Variants in SLC4A1AP observed in about 807,000 individuals in gnomAD.
The protein encoded by SLC4A1AP is kanadaptin.
In SLC4A1AP, 64 loss-of-function variants were observed where a neutral mutation model predicts 89.7. The observed-to-expected ratio is 0.71, with a 90% CI of 0.58 to 0.88. SLC4A1AP has a LOEUF of 0.88. Ranked by LOEUF, SLC4A1AP falls within the 40% of genes least tolerant of loss-of-function variation. The pLI, the probability that SLC4A1AP is intolerant of heterozygous loss-of-function variation, is 0.00. For missense variants in SLC4A1AP, 931 were observed against 965.0 expected (o/e 0.96, Z 0.47); for synonymous variants, 366 against 353.3 (o/e 1.04, Z -0.40).
intron 8 of SLC4A1AP, among the ~76,000 whole-genome samples, chr2:27,680,940 A>G (rs2148136983): frequency 6.7e-6 from 1 of 149,934 alleles, no homozygotes; most frequent in East Asian, 2.0e-4. Context: ...TCCCTTTCCT[A>G]TTTTGGATAC....
intron 2 of SLC4A1AP, among the ~76,000 whole-genome samples, chr2:27,666,372 A>ACC (rs1675323435): frequency 1.8e-3 from 6 of 3,390 alleles, no homozygotes; most frequent in African/African-American, 3.2e-3. Context: ...CCCCCCCCCC[A>ACC]CCCCGCCCCC....
At position 27,669,405 on chromosome 2, in the gene SLC4A1AP, C is replaced by CT; in HGVS notation, c.1345+25dup. 2.7e-6 allele frequency: 4 copies of CT among 1,458,000 alleles called. No homozygotes were observed. Among genetic ancestry groups the CT allele is most frequent in the Non-Finnish European group, 2.7e-6 (3 of 1,101,270 alleles). The allele number at this position is 1,458,000 out of a possible 1,614,324, so 90.3% of individuals were successfully genotyped here. A position where few individuals can be genotyped will look rare whatever the true frequency, so the allele number is the denominator to read the frequency against. ...GGAAGCAGGTCAGTATATAGGAGCC[C>CT]TTTTTTTCTAGATTTAAAAAAAGGA... On this transcript the variant is annotated intron_variant, in intron 5 of 13. Transcript: ENST00000613058.
At chr2:27,677,815 G>A in exon 8 of SLC4A1AP, 1 of 1,613,812 alleles carries the variant, frequency 6.2e-7, no homozygotes, top group South Asian at 1.1e-5. Flanking sequence ...ATTAGATGGT[G>A]TGTCCCGGAA....
At chr2:27,669,367 G>T in exon 5 of SLC4A1AP, 1 of 1,610,894 alleles carries the variant, frequency 6.2e-7, no homozygotes, top group Non-Finnish European at 8.5e-7. Flanking sequence ...GACACTTTGG[G>T]ATTGCTTCGG....
At chr2:27,668,516 C>G in intron 3 of SLC4A1AP, 1 of 474,046 alleles carries the variant, frequency 2.1e-6, no homozygotes, top group Non-Finnish European at 4.1e-6. Flanking sequence ...ATGGCGCAAT[C>G]TTGGCTCACT....
intron 3 of SLC4A1AP, 88 bp from the exon 4 acceptor site, chr2:27,668,755 G>C (rs533155690): frequency 8.1e-7 from 1 of 1,233,916 alleles, no homozygotes; most frequent in Admixed American, 1.7e-5. Flanking sequence ...GAACTTGTTC[G>C]TATTTAACGT....
rs766834327 is a variant in SLC4A1AP at position 27,675,537 on chromosome 2, C to T, written c.1351C>T (p.Arg451Trp). Residue 451 changes from arginine to tryptophan, a missense_variant, in exon 6 of 14, where the codon CGG becomes TGG. By Grantham distance (101) the Arg-to-Trp change is moderately radical. Coordinates refer to ENST00000613058, the Ensembl canonical transcript of SLC4A1AP. The stretch of plus-strand genomic sequence containing the variant: ...ATCATTTTATCTACCTCTAGTATCT[C>T]GGAAAAGGAAAGCCAAGAACTGGGA... 1.1e-5 allele frequency: 18 copies of T among 1,565,474 alleles called. No homozygotes were observed. The highest frequency in any genetic ancestry group is 1.7e-4 in the Middle Eastern group (1 of 5,860).
At chr2:27,671,328 A>C (rs1002284257) in intron 5 of SLC4A1AP, among the ~76,000 whole-genome samples, 8 of 152,170 alleles carry the variant, frequency 5.3e-5, no homozygotes, top group African/African-American at 1.9e-4. Context: ...TATTTACGTG[A>C]TTATGCTTAT....
exon 8 of SLC4A1AP, chr2:27,677,819 C>G: frequency 6.2e-7 from 1 of 1,613,624 alleles, no homozygotes; most frequent in Non-Finnish European, 8.5e-7. Context: ...GATGGTGTGT[C>G]CCGGAAGAAA....
chr2:27,677,336 T>G (rs1205947745), exon 7 of SLC4A1AP: 10 of 1,613,550 alleles, frequency 6.2e-6, no homozygotes, highest in Non-Finnish European at 8.5e-6. Context: ...TTTCTGAAAT[T>G]TCTGAGAGAT....
intron 11 of SLC4A1AP, 147 bp downstream of exon 11, chr2:27,688,167 A>G (rs989114229): frequency 9.6e-6 from 6 of 622,314 alleles, no homozygotes; most frequent in African/African-American, 9.5e-5. Context: ...AAGTTGGAAC[A>G]TAAGAGAGGT....
At chr2:27,671,755 C>T (rs1338781128) in intron 5 of SLC4A1AP, among the ~76,000 whole-genome samples, 2 of 152,196 alleles carry the variant, frequency 1.3e-5, no homozygotes, top group Non-Finnish European at 2.9e-5. Flanking sequence ...AAAGCTGGTA[C>T]AACACTAGAG....
At chr2:27,693,570 G>T in intron 12 of SLC4A1AP, 115 bp from the exon 13 acceptor site, 2 of 679,228 alleles carry the variant, frequency 2.9e-6, no homozygotes, top group South Asian at 2.3e-5. Context: ...CAAAATTCTT[G>T]ACTAATGTTT....
chr2:27,664,175 G>A (rs939107742), exon 1 of SLC4A1AP: 1 of 1,614,162 alleles, frequency 6.2e-7, no homozygotes, highest in Non-Finnish European at 8.5e-7. Context: ...CCCCGACAGC[G>A]GTTTCTTCCC....
intron 9 of SLC4A1AP, among the ~76,000 whole-genome samples, chr2:27,683,548 G>A (rs1393641054): frequency 2.6e-5 from 4 of 152,204 alleles, no homozygotes; most frequent in Admixed American, 2.6e-4. Flanking sequence ...GAGTCATACT[G>A]AGTTAGGGCC....
intron 13 of SLC4A1AP, 97 bp downstream of exon 13, chr2:27,693,851 A>C: frequency 1.2e-6 from 1 of 851,884 alleles, no homozygotes; most frequent in East Asian, 2.8e-5. Flanking sequence ...AAGTTACAAG[A>C]GTATGTAGTG....
At chr2:27,671,086 CT>C (rs1675421873) in intron 5 of SLC4A1AP, among the ~76,000 whole-genome samples, 1 of 151,744 alleles carries the variant, frequency 6.6e-6, no homozygotes, top group Non-Finnish European at 1.5e-5. Flanking sequence ...CCACACCCAG[CT>C]AATTTTTGTA....
chr2:27,668,950 T>G lies in SLC4A1AP; in HGVS notation c.1205+47T>G, dbSNP rs200700618. 2.1e-5 allele frequency: 33 copies of G among 1,537,864 alleles called. No homozygotes were observed. The Middle Eastern group carries it at 5.1e-4, about 24-fold the overall frequency. ...GTTCTTTTCTGGAAAATGGCCAATT[T>G]CAGGTTTAATGTATGGTTATAGATA... On this transcript the variant is annotated intron_variant, in intron 4 of 13. Transcript: ENST00000613058.
intron 3 of SLC4A1AP, chr2:27,668,593 T>C: frequency 1.6e-6 from 1 of 642,098 alleles, no homozygotes; most frequent in East Asian, 3.1e-5. Flanking sequence ...GGGACAAAAG[T>C]CACGTACCAT....
Sources: gnomAD v4.1 joint callset for allele counts (sites outside exome capture counted in the v4.1 genomes callset) on GRCh38, gnomAD v4.1.1 for gene constraint, MANE v1.5 for transcripts, NCBI Gene and HGNC (gene_info 2026-07-23, HGNC 2026-07-21) for gene names.